Variants in LOXHD1 observed in about 807,000 individuals in gnomAD.
LOXHD1 encodes the protein lipoxygenase homology PLAT domains 1.
A neutral mutation model predicts 248.2 loss-of-function variants in LOXHD1; 205 were observed. The ratio of observed to expected loss-of-function variants is 0.83; its 90% CI spans 0.74 to 0.93. The LOEUF (loss-of-function observed/expected upper bound fraction) is 0.93, where lower values mean the gene tolerates loss of function less well. Among genes scored for constraint, LOXHD1 ranks in the 40% least tolerant of loss-of-function variants. The pLI, the probability that LOXHD1 is intolerant of heterozygous loss-of-function variation, is 0.00. For missense variants in LOXHD1, 2,930 were observed against 2,971.6 expected, an observed-to-expected ratio of 0.99 and a Z score of 0.33; for synonymous variants, 1,113 against 1,162.8, an observed-to-expected ratio of 0.96 and a Z score of 0.87.
chr18:46,489,178 T>C (rs1185205823), intron 37 of LOXHD1, 36 bp from the exon 38 acceptor site: 32 of 1,549,946 alleles, frequency 2.1e-5, no homozygotes, highest in Non-Finnish European at 2.8e-5. Flanking sequence ...GGAAGCTGGA[T>C]GTGCCTTCCC....
chr18:46,519,486 C>T (rs765395559), intron 33 of LOXHD1, among the ~76,000 whole-genome samples: 21 of 152,156 alleles, frequency 1.4e-4, no homozygotes, highest in Non-Finnish European at 2.4e-4. Flanking sequence ...AGGCCTGGCC[C>T]GCAGGAGAAA....
chr18:46,489,477 T>C (rs894811821), intron 37 of LOXHD1, among the ~76,000 whole-genome samples: 1 of 152,212 alleles, frequency 6.6e-6, no homozygotes, highest in South Asian at 2.1e-4. Context: ...TAGCTGTCAT[T>C]AATTTATAAT....
At chr18:46,632,625 C>T (rs2144360482) in intron 4 of LOXHD1, among the ~76,000 whole-genome samples, 1 of 152,196 alleles carries the variant, frequency 6.6e-6, no homozygotes, top group East Asian at 1.9e-4. Flanking sequence ...ACATCCATGA[C>T]AACAGAAGGG....
At chr18:46,488,528 C>T (rs1438158729) in intron 38 of LOXHD1, among the ~76,000 whole-genome samples, 2 of 152,212 alleles carry the variant, frequency 1.3e-5, no homozygotes, top group Non-Finnish European at 2.9e-5. Flanking sequence ...GGATCAATTA[C>T]TCTTCCCCTT....
intron 14 of LOXHD1, among the ~76,000 whole-genome samples, chr18:46,576,356 A>G (rs1299877545): frequency 6.6e-6 from 1 of 151,998 alleles, no homozygotes; most frequent in African/African-American, 2.4e-5. Context: ...GCTTAGGAGA[A>G]TGAGGGTTCA....
chr18:46,515,135 A>G (rs372214228), intron 34 of LOXHD1, among the ~76,000 whole-genome samples: 5 of 152,346 alleles, frequency 3.3e-5, no homozygotes, highest in African/African-American at 1.2e-4. Context: ...TGGGTATAGC[A>G]TCTGACTGCA....
At position 46,522,645 on chromosome 18, in the gene LOXHD1, C is replaced by T. The variant is rs1230753178; in HGVS notation, c.4877-336G>A. On this transcript the variant is annotated intron_variant, in intron 31 of 40. Coordinates refer to ENST00000642948, the MANE Select transcript of LOXHD1 (RefSeq NM_001384474.1). ...GGGTAAGAAAAATAACCTCTCACCA[C>T]GTATAGGCATTATATGCCCAAAAAG... 2.0e-5 allele frequency among the ~76,000 whole-genome samples: 3 copies of T among 152,130 alleles called. 1 individual carries two copies. Among genetic ancestry groups the T allele is most frequent in the Non-Finnish European group, 2.9e-5 (2 of 68,034 alleles).
Position 46,610,896 on chromosome 18 carries a change from G to A in LOXHD1, c.639C>T (p.Asp213=). ...TGERRLENEK[D]NFEKGAEDRF... ...TGTCTTCAGCTCCCTTTTCAAAGTTGTCCTTTTCATTTTCTAGCCTACGCT... is the reference window on the plus strand; with the variant it reads ...TGTCTTCAGCTCCCTTTTCAAAGTTATCCTTTTCATTTTCTAGCCTACGCT... The change falls in exon 6 of 41, where the codon GAC becomes GAT. Residue 213 remains aspartate (D), a synonymous_variant. Transcript: ENST00000642948. 1 of 1,551,810 alleles carries A rather than the reference G, an allele frequency of 6.4e-7. No homozygotes were observed. The highest frequency in any genetic ancestry group is 8.7e-7 in the Non-Finnish European group (1 of 1,147,008).
chr18:46,534,357 C>A lies in LOXHD1; in HGVS notation c.4190G>T (p.Arg1397Leu). ...CACGTCTTTATCCGGGAGGAGCCTG[C>A]GGATGTCCACGTGAGAGCAGTGCCA... The part of the protein sequence containing the change: ...PGWHCSHVDI[R>L]RLLPDKDGAE... The change falls in exon 27 of 41, where the codon CGC (arginine) becomes CTC (leucine). Residue 1397 changes from arginine to leucine, a missense_variant. Arg to Leu is a moderately radical substitution (Grantham distance 102, BLOSUM62 -2). Transcript: ENST00000642948. 1 of 1,551,262 alleles carries A rather than the reference C, an allele frequency of 6.4e-7. No homozygotes were observed. The highest frequency in any genetic ancestry group is 1.2e-5 in the South Asian group (1 of 84,036).
intron 32 of LOXHD1, 144 bp downstream of exon 32, chr18:46,521,957 G>T: frequency 1.5e-6 from 1 of 657,020 alleles, no homozygotes; most frequent in Non-Finnish European, 2.5e-6. Context: ...CACCTGGCTA[G>T]TTGGTTCTTC....
chr18:46,504,292 G>A (rs2034424048), intron 37 of LOXHD1, among the ~76,000 whole-genome samples: 1 of 152,114 alleles, frequency 6.6e-6, no homozygotes, highest in South Asian at 2.1e-4. Context: ...TTTTGGTAGA[G>A]ATGGAGTTTC....
chr18:46,621,394 C>T (rs1181688012), intron 4 of LOXHD1, among the ~76,000 whole-genome samples: 1 of 152,234 alleles, frequency 6.6e-6, no homozygotes, highest in East Asian at 1.9e-4. Flanking sequence ...ATCTACTTTG[C>T]CATTTTCCAA....
chr18:46,629,473 A>T (rs964857460), intron 4 of LOXHD1, among the ~76,000 whole-genome samples: 4 of 152,030 alleles, frequency 2.6e-5, no homozygotes, highest in African/African-American at 7.3e-5. Context: ...GCAGGTCCAT[A>T]ATCCTTTGCA....
At chr18:46,606,724 A>C (rs556112726) in intron 6 of LOXHD1, among the ~76,000 whole-genome samples, 1 of 152,336 alleles carries the variant, frequency 6.6e-6, no homozygotes, top group East Asian at 1.9e-4. Context: ...CCTGTATAGC[A>C]TAATATACAT....
At chr18:46,603,319 T>C (rs972935094) in intron 7 of LOXHD1, among the ~76,000 whole-genome samples, 17 of 151,212 alleles carry the variant, frequency 1.1e-4, no homozygotes, top group Admixed American at 2.0e-4. Flanking sequence ...GGGAGCAAGA[T>C]GGAGGGAAGA....
intron 6 of LOXHD1, among the ~76,000 whole-genome samples, chr18:46,610,396 G>A (rs539878511): frequency 8.6e-5 from 13 of 151,094 alleles, no homozygotes; most frequent in African/African-American, 3.2e-4. Context: ...ACCGGGGCCT[G>A]TCGGGGGCTG....
At chr18:46,597,299 G>C (rs573435356) in intron 8 of LOXHD1, among the ~76,000 whole-genome samples, 1 of 151,952 alleles carries the variant, frequency 6.6e-6, no homozygotes, top group South Asian at 2.1e-4. Flanking sequence ...AATTTTAAAA[G>C]AAGAAAAAAG....
intron 4 of LOXHD1, among the ~76,000 whole-genome samples, chr18:46,622,407 T>TA (rs1215687726): frequency 6.6e-6 from 1 of 152,218 alleles, no homozygotes; most frequent in Non-Finnish European, 1.5e-5. Flanking sequence ...TTCAACTGTT[T>TA]AAAAAACATA....
chr18:46,573,215 C>T (rs935788626), intron 14 of LOXHD1, among the ~76,000 whole-genome samples: 2 of 151,896 alleles, frequency 1.3e-5, no homozygotes, highest in Non-Finnish European at 2.9e-5. Context: ...TGCAGGGCTG[C>T]GGTTTGATAG....
Sources: gnomAD v4.1 joint callset for allele counts (sites outside exome capture counted in the v4.1 genomes callset) on GRCh38, gnomAD v4.1.1 for gene constraint, MANE v1.5 for transcripts, NCBI Gene and HGNC (gene_info 2026-07-23, HGNC 2026-07-21) for gene names.